The following RBMS3 variants were observed in gnomAD, a reference collection of about 807,000 sequenced individuals.
The protein encoded by RBMS3 is RNA-binding motif, single-stranded-interacting protein 3.
RBMS3 carries 27 observed loss-of-function variants against 66.8 expected under a neutral mutation model. The ratio of observed to expected loss-of-function variants is 0.40; its 90% CI spans 0.30 to 0.56. The LOEUF (loss-of-function observed/expected upper bound fraction) is 0.56. Ranked by LOEUF, RBMS3 falls within the 20% of genes least tolerant of loss-of-function variation. The pLI is 0.40. For missense variants in RBMS3, 513 were observed against 549.5 expected, an observed-to-expected ratio of 0.93 and a Z score of 0.66; for synonymous variants, 188 against 183.0, an observed-to-expected ratio of 1.03 and a Z score of -0.22.
chr3:29,870,085 A>C lies in RBMS3; in HGVS notation c.744+1121A>C, dbSNP rs76870672. On this transcript the variant is annotated intron_variant, in intron 7 of 14. Coordinates refer to ENST00000383767, the MANE Select transcript of RBMS3 (RefSeq NM_001003793.3). ...AAACTGTAACTCATTACATTAAGACATGAAAAACAGAATCATCACTGAGCA... is the reference window on the plus strand; with the variant it reads ...AAACTGTAACTCATTACATTAAGACCTGAAAAACAGAATCATCACTGAGCA... Among the ~76,000 whole-genome samples, 723 of 152,306 alleles carry C rather than the reference A, an allele frequency of 4.7e-3. 19 individuals are homozygous for C. The East Asian group carries it at 0.071, about 15-fold the overall frequency.
chr3:29,939,426 G>A (rs1333892585), intron 11 of RBMS3, among the ~76,000 whole-genome samples: 1 of 151,900 alleles, frequency 6.6e-6, no homozygotes, highest in Non-Finnish European at 1.5e-5. Context: ...CTGAAATATG[G>A]ATGCCTTGTC....
chr3:29,678,218 G>A (rs1245883965), intron 4 of RBMS3, among the ~76,000 whole-genome samples: 1 of 152,076 alleles, frequency 6.6e-6, no homozygotes. Context: ...ATATTCTAGT[G>A]ACTTGGGGAT....
At chr3:29,635,666 T>C (rs2049447150) in intron 4 of RBMS3, among the ~76,000 whole-genome samples, 1 of 151,890 alleles carries the variant, frequency 6.6e-6, no homozygotes, top group African/African-American at 2.4e-5. Context: ...AAAGCCAGCA[T>C]GCGATAGATG....
intron 6 of RBMS3, among the ~76,000 whole-genome samples, chr3:29,782,739 G>C (rs1026377849): frequency 6.6e-6 from 1 of 152,094 alleles, no homozygotes; most frequent in African/African-American, 2.4e-5. Flanking sequence ...TAATCAAGGA[G>C]GCACCAGAGA....
At chr3:29,835,430 A>G (rs1177309440) in intron 6 of RBMS3, among the ~76,000 whole-genome samples, 1 of 152,050 alleles carries the variant, frequency 6.6e-6, no homozygotes, top group Non-Finnish European at 1.5e-5. Context: ...CATATTAAGC[A>G]TATTTCTGAC....
chr3:29,504,258 A>G (rs2044095660), intron 3 of RBMS3, among the ~76,000 whole-genome samples: 1 of 152,094 alleles, frequency 6.6e-6, no homozygotes, highest in Non-Finnish European at 1.5e-5. Context: ...TTTGTACGTC[A>G]TGAAGACTTG....
intron 4 of RBMS3, among the ~76,000 whole-genome samples, chr3:29,675,561 G>A (rs1172396635): frequency 2.6e-5 from 4 of 152,030 alleles, no homozygotes; most frequent in East Asian, 3.9e-4. Context: ...AATCTACAAA[G>A]CACTTAAAGA....
At chr3:29,629,091 T>A (rs74965058) in intron 4 of RBMS3, among the ~76,000 whole-genome samples, 2,996 of 152,220 alleles carry the variant, frequency 0.02, 39 homozygotes, top group Admixed American at 0.029. Context: ...GGTTGGTAGC[T>A]GTTTTAAGAA....
chr3:29,971,702 G>A (rs139238001), intron 12 of RBMS3, among the ~76,000 whole-genome samples: 276 of 152,116 alleles, frequency 1.8e-3, no homozygotes, highest in African/African-American at 6.3e-3. Flanking sequence ...ATTAGGCATG[G>A]TCTTTCTAGT....
intron 2 of RBMS3, among the ~76,000 whole-genome samples, chr3:29,486,433 T>C (rs2043320749): frequency 1.3e-5 from 2 of 152,194 alleles, no homozygotes; most frequent in Non-Finnish European, 2.9e-5. Context: ...TGTCGGAAAG[T>C]CTGGCCTAGA....
intron 6 of RBMS3, among the ~76,000 whole-genome samples, chr3:29,773,741 AATTTACATCCCC>A (rs2056312929): frequency 1.3e-5 from 2 of 152,060 alleles, no homozygotes; most frequent in South Asian, 4.1e-4. Flanking sequence ...AGTACTTGGG[AATTTACATCCCC>A]ATTCGGGGCC....
intron 4 of RBMS3, among the ~76,000 whole-genome samples, chr3:29,623,561 T>A (rs1232853499): frequency 1.3e-4 from 19 of 141,844 alleles, no homozygotes; most frequent in African/African-American, 4.5e-4. Context: ...ACCACTGCAC[T>A]CCAGCCTAGG....
intron 6 of RBMS3, among the ~76,000 whole-genome samples, chr3:29,863,831 AT>A (rs2059278625): frequency 6.6e-6 from 1 of 152,160 alleles, no homozygotes; most frequent in South Asian, 2.1e-4. Context: ...GAACATTGTT[AT>A]TTGGTAATAT....
intron 1 of RBMS3, among the ~76,000 whole-genome samples, chr3:29,309,374 T>C (rs1037803003): frequency 1.3e-5 from 2 of 151,768 alleles, no homozygotes; most frequent in Admixed American, 1.3e-4. Context: ...AAAATAAATA[T>C]TTAGATTTAA....
chr3:29,945,415 G>A (rs1034858744), intron 12 of RBMS3, among the ~76,000 whole-genome samples: 1 of 151,664 alleles, frequency 6.6e-6, no homozygotes, highest in Non-Finnish European at 1.5e-5. Flanking sequence ...GAATACGTTA[G>A]CATTTGGCCG....
At chr3:29,745,898 T>TC (rs2054871691) in intron 5 of RBMS3, among the ~76,000 whole-genome samples, 1 of 147,918 alleles carries the variant, frequency 6.8e-6, no homozygotes, top group Non-Finnish European at 1.5e-5. Context: ...TTTCATTAAG[T>TC]AAAAAAAAAA....
At chr3:29,682,646 G>A (rs985574130) in intron 4 of RBMS3, among the ~76,000 whole-genome samples, 1 of 152,184 alleles carries the variant, frequency 6.6e-6, no homozygotes, top group African/African-American at 2.4e-5. Flanking sequence ...GGTTTGGGGA[G>A]CGAACTGCTG....
intron 12 of RBMS3, among the ~76,000 whole-genome samples, chr3:29,954,485 G>A (rs1695891752): frequency 6.6e-6 from 1 of 151,958 alleles, no homozygotes; most frequent in South Asian, 2.1e-4. Context: ...ACAAGTTTAA[G>A]ATTGTTAGAG....
At chr3:29,789,111 A>C (rs1449793177) in intron 6 of RBMS3, among the ~76,000 whole-genome samples, 1 of 152,154 alleles carries the variant, frequency 6.6e-6, no homozygotes, top group African/African-American at 2.4e-5. Context: ...CAAGAACTTT[A>C]TCACATGAAA....
Sources: gnomAD v4.1 joint callset for allele counts (sites outside exome capture counted in the v4.1 genomes callset) on GRCh38, gnomAD v4.1.1 for gene constraint, MANE v1.5 for transcripts, NCBI Gene and HGNC (gene_info 2026-07-23, HGNC 2026-07-21) for gene names.